PRICKLE2: variants seen among roughly 807,000 people sequenced by gnomAD.
The protein encoded by PRICKLE2 is prickle planar cell polarity protein 2.
A neutral mutation model predicts 81.4 loss-of-function variants in PRICKLE2; 21 were observed. That is an observed-to-expected ratio of 0.26 (90% CI 0.18 to 0.37). The LOEUF (loss-of-function observed/expected upper bound fraction) is 0.37, where lower values mean the gene tolerates loss of function less well. PRICKLE2 is among the 10% of genes least tolerant of loss of function. The probability of loss-of-function intolerance (pLI) is 1.00; values close to 1 mark genes in which losing one functional copy is unlikely to be tolerated. For missense variants in PRICKLE2, 940 were observed against 1,109.0 expected (o/e 0.85, Z 2.16); for synonymous variants, 456 against 421.5 (o/e 1.08, Z -1.00).
intron 2 of PRICKLE2, among the ~76,000 whole-genome samples, chr3:64,182,944 A>G (rs550466713): frequency 1.3e-5 from 2 of 152,310 alleles, no homozygotes; most frequent in East Asian, 3.9e-4. Flanking sequence ...TAGCAAATAG[A>G]AAATAAAGTG....
chr3:64,123,714 T>C (rs1237189754), intron 7 of PRICKLE2, among the ~76,000 whole-genome samples: 1 of 152,230 alleles, frequency 6.6e-6, no homozygotes, highest in African/African-American at 2.4e-5. Context: ...ATTACTATTG[T>C]AATTGTTTTG....
chr3:64,110,783 G>T (rs183515045), intron 7 of PRICKLE2, among the ~76,000 whole-genome samples: 1 of 152,094 alleles, frequency 6.6e-6, no homozygotes, highest in African/African-American at 2.4e-5. Context: ...ACAGCAGCAG[G>T]AATGAGGCTC....
At chr3:64,136,753 G>C (rs1466369747) in intron 7 of PRICKLE2, among the ~76,000 whole-genome samples, 7 of 151,998 alleles carry the variant, frequency 4.6e-5, no homozygotes, top group Non-Finnish European at 1.5e-5. Flanking sequence ...TGGCCAGGTA[G>C]GAAGGTCAAG....
intron 6 of PRICKLE2, among the ~76,000 whole-genome samples, chr3:64,151,114 G>A (rs1043949755): frequency 3.9e-5 from 6 of 152,204 alleles, no homozygotes; most frequent in Non-Finnish European, 5.9e-5. Flanking sequence ...GCTGCCTGAC[G>A]CAGGGCCTGC....
intron 7 of PRICKLE2, 73 bp downstream of exon 7, chr3:64,146,757 T>G (rs940426964): frequency 3.3e-6 from 5 of 1,537,532 alleles, no homozygotes; most frequent in Non-Finnish European, 4.4e-6. Context: ...AAAAAAAAAA[T>G]TCCTGGGGAC....
chr3:64,122,041 G>A (rs564973310), intron 7 of PRICKLE2, among the ~76,000 whole-genome samples: 1 of 152,210 alleles, frequency 6.6e-6, no homozygotes, highest in South Asian at 2.1e-4. Flanking sequence ...AGGAATATCT[G>A]CAGAGTATCT....
Position 64,099,429 on chromosome 3 carries a change from G to A in PRICKLE2, c.2157C>T (p.Ala719=). ...GCATAAATTGGTCATAGTCCTCCCT[G>A]GCTCTCAGAGGGGGCCTATCTTTTA... ...SRLKDRPPLR[A]REDYDQFMRQ... Residue 719 remains alanine, a synonymous_variant, in exon 8 of 8, where the codon GCC becomes GCT. Transcript: ENST00000638394. The surrounding 1 kb of genome is among the most constrained non-coding windows in gnomAD (Gnocchi z 4.3). The A allele has an allele frequency of 1.3e-6, 2 of 1,590,632 alleles. No individual in the cohort carries two copies. Among genetic ancestry groups the A allele is most frequent in the Non-Finnish European group, 1.7e-6 (2 of 1,165,432 alleles).
intron 2 of PRICKLE2, among the ~76,000 whole-genome samples, chr3:64,232,401 G>T (rs1266406303): frequency 6.6e-6 from 1 of 152,216 alleles, no homozygotes. Context: ...GATTATTCCT[G>T]TAAGAATACC....
At chr3:64,162,916 G>C in intron 3 of PRICKLE2, 100 bp downstream of exon 3, 2 of 840,822 alleles carry the variant, frequency 2.4e-6, no homozygotes, top group Non-Finnish European at 4.2e-6. Flanking sequence ...AATTGCCAGA[G>C]TTCTTCTTCG....
At chr3:64,166,557 A>G (rs772450384) in intron 2 of PRICKLE2, among the ~76,000 whole-genome samples, 14 of 152,208 alleles carry the variant, frequency 9.2e-5, no homozygotes, top group Non-Finnish European at 1.8e-4. Context: ...TCTTTTGTCA[A>G]CTTTTATAAT....
intron 2 of PRICKLE2, among the ~76,000 whole-genome samples, chr3:64,188,444 T>C (rs1375805511): frequency 6.6e-6 from 1 of 152,210 alleles, no homozygotes; most frequent in African/African-American, 2.4e-5. Flanking sequence ...AAACAGATTG[T>C]TGGGCTCCAT....
intron 2 of PRICKLE2, among the ~76,000 whole-genome samples, chr3:64,188,425 G>C (rs1465795911): frequency 6.6e-6 from 1 of 152,172 alleles, no homozygotes; most frequent in Non-Finnish European, 1.5e-5. Flanking sequence ...ACACCTAAAA[G>C]CTTTGTTGAA....
chr3:64,154,394 A>G (rs937659542), intron 5 of PRICKLE2: 1 of 151,548 alleles, frequency 6.6e-6, no homozygotes, highest in African/African-American at 2.4e-5. Flanking sequence ...AAAAAAAAAA[A>G]AAATAGCCAG....
chr3:64,105,888 G>C (rs2076746140), intron 7 of PRICKLE2: 1 of 152,220 alleles, frequency 6.6e-6, no homozygotes, highest in Non-Finnish European at 1.5e-5. Flanking sequence ...TGGGCATAAT[G>C]ACAGGAAGTG....
chr3:64,147,450 G>T lies in PRICKLE2; in HGVS notation c.1040C>A (p.Thr347Lys), dbSNP rs375755312. The T allele has an allele frequency of 6.2e-7, 1 of 1,614,228 alleles. No homozygotes were observed. Among genetic ancestry groups the T allele is most frequent in the Admixed American group, 1.7e-5 (1 of 60,036 alleles). Residue 347 changes from threonine (T) to lysine (K), a missense_variant, in exon 7 of 8, where the codon ACG becomes AAG. By Grantham distance (78) the Thr-to-Lys change is moderately conservative. Transcript: ENST00000638394. This position sits in a 1 kb window ranked among gnomAD's most constrained non-coding sequence, Gnocchi z 5.0. ...SAKIGKNKGK[T>K]EEPMLNQHSQ... Reference sequence around the variant, plus strand: ...GTGCTGGTTCAGCATGGGCTCCTCCGTCTTGCCCTTGTTCTTGCCAATTTT... The same window carrying T: ...GTGCTGGTTCAGCATGGGCTCCTCCTTCTTGCCCTTGTTCTTGCCAATTTT...
At chr3:64,242,379 C>T (rs1028906062) in intron 2 of PRICKLE2, among the ~76,000 whole-genome samples, 2 of 152,184 alleles carry the variant, frequency 1.3e-5, no homozygotes, top group African/African-American at 2.4e-5. Flanking sequence ...ATTCCTTCAC[C>T]TAATCACTTC....
At chr3:64,162,034 C>T (rs991918338) in intron 3 of PRICKLE2, among the ~76,000 whole-genome samples, 9 of 152,098 alleles carry the variant, frequency 5.9e-5, no homozygotes, top group South Asian at 2.1e-4. Context: ...TTTTGTCCTG[C>T]TTACTCAAAT....
intron 7 of PRICKLE2, among the ~76,000 whole-genome samples, chr3:64,109,340 T>A (rs1054773041): frequency 6.6e-6 from 1 of 152,242 alleles, no homozygotes; most frequent in Non-Finnish European, 1.5e-5. Context: ...GCTGTCTAAT[T>A]TTCCTGGCAG....
intron 2 of PRICKLE2, among the ~76,000 whole-genome samples, chr3:64,262,874 T>C (rs1055383518): frequency 6.6e-6 from 1 of 152,166 alleles, no homozygotes; most frequent in African/African-American, 2.4e-5. Context: ...GGTTCAGAGA[T>C]GTAAATGACT....
Sources: gnomAD v4.1 joint callset for allele counts (sites outside exome capture counted in the v4.1 genomes callset) on GRCh38, gnomAD v4.1.1 for gene constraint, Gnocchi (gnomAD v3.1) non-coding constraint, MANE v1.5 for transcripts, NCBI Gene and HGNC (gene_info 2026-07-23, HGNC 2026-07-21) for gene names.